Variants in TNKS1BP1 observed in about 807,000 individuals in gnomAD.
TNKS1BP1 encodes 182 kDa tankyrase-1-binding protein.
TNKS1BP1 carries 48 observed loss-of-function variants against 141.1 expected under a neutral mutation model. The ratio of observed to expected loss-of-function variants is 0.34; its 90% CI spans 0.27 to 0.43. TNKS1BP1 has a LOEUF of 0.43. TNKS1BP1 is among the 20% of genes least tolerant of loss of function. TNKS1BP1 has a pLI of 1.00. For missense variants in TNKS1BP1, 2,149 were observed against 2,226.0 expected, an observed-to-expected ratio of 0.97 and a Z score of 0.70; for synonymous variants, 875 against 898.2, an observed-to-expected ratio of 0.97 and a Z score of 0.46.
At chr11:57,320,973 G>A (rs1855876334) in intron 2 of TNKS1BP1, among the ~76,000 whole-genome samples, 1 of 152,116 alleles carries the variant, frequency 6.6e-6, no homozygotes, top group Admixed American at 6.5e-5. Flanking sequence ...GGACCCACCT[G>A]GCACCTTACT....
In TNKS1BP1 at chr11:57,313,608, C is replaced by T. The variant is rs763396912; in HGVS notation, c.1080G>A (p.Gly360=). The change falls in exon 5 of 12, where the codon GGG becomes GGA. Residue 360 remains glycine, a synonymous_variant. Coordinates refer to ENST00000358252, the MANE Select transcript of TNKS1BP1 (RefSeq NM_033396.3). ...TGCTGGGTCTGGGGGCCTCTGGAGC[C>T]CCCTCGGCAGGGAGCCCCGGGCTGG... ...HTPSPGLPAE[G]APEAPRPSSP... The T allele has an allele frequency of 9.7e-5, 155 of 1,594,676 alleles. No homozygotes were observed. Among genetic ancestry groups the T allele is most frequent in the Non-Finnish European group, 1.3e-4 (150 of 1,171,024 alleles).
At position 57,320,223 on chromosome 11, in the gene TNKS1BP1, G is replaced by C. The variant is rs780577893; in HGVS notation, c.584C>G (p.Ser195Trp). Residue 195 changes from serine (S) to tryptophan (W), a missense_variant, in exon 3 of 12, where the codon TCG (serine) becomes TGG (tryptophan). Transcript: ENST00000358252. ...GCCATAGGTCCTGGGGCCATATCGC[G>C]AGCTGCCATCGTGGTTAAAGGTGAG... Reference protein sequence around the residue: ...SRLTFNHDGSSRYGPRTYGTT... With the variant: ...SRLTFNHDGSWRYGPRTYGTT... 9.3e-6 allele frequency: 15 copies of C among 1,614,058 alleles called. No individual in the cohort carries two copies. The highest frequency in any genetic ancestry group is 1.3e-5 in the African/African-American group (1 of 74,926).
chr11:57,301,101 G>A lies in TNKS1BP1; in HGVS notation c.4972-60C>T, dbSNP rs544375120. The stretch of plus-strand genomic sequence containing the variant: ...AGGGACAGGCAGTAGGACTCTCAGG[G>A]GGTAAGACCTTATCTCAAGAGTGTG... On this transcript the variant is annotated intron_variant, in intron 9 of 11. Transcript: ENST00000358252. The A allele has an allele frequency of 9.7e-5, 144 of 1,488,680 alleles. 2 individuals are homozygous for A. The South Asian group carries it at 1.7e-3, about 18-fold the overall frequency. The allele number at this position is 1,488,680 out of a possible 1,614,324, so 92.2% of individuals were successfully genotyped here.
intron 4 of TNKS1BP1, among the ~76,000 whole-genome samples, chr11:57,317,195 T>C (rs990135918): frequency 2.0e-5 from 3 of 152,232 alleles, no homozygotes; most frequent in Non-Finnish European, 2.9e-5. Context: ...CAGTCACTGC[T>C]TGCTGGATGG....
rs769554675 is a variant in TNKS1BP1 at position 57,313,480 on chromosome 11, G to A, written c.1208C>T (p.Thr403Met). 1.2e-5 allele frequency: 19 copies of A among 1,582,314 alleles called. No individual in the cohort carries two copies. The highest frequency in any genetic ancestry group is 1.7e-4 in the Middle Eastern group (1 of 5,908). Residue 403 changes from threonine to methionine, a missense_variant, in exon 5 of 12, where the codon ACG (threonine) becomes ATG (methionine). By Grantham distance (81) the Thr-to-Met change is moderately conservative (BLOSUM62 -1). Transcript: ENST00000358252. ...CTCCTCCTCCCCGCCAGATGGAAAC[G>A]TCCGAGTGAGATCCAGCAACTCACC... The part of the protein sequence containing the change: ...EVGELLDLTR[T>M]FPSGGEEEAK...
At chr11:57,321,988 G>A in intron 1 of TNKS1BP1, 38 bp from the exon 2 acceptor site, 1 of 1,496,194 alleles carries the variant, frequency 6.7e-7, no homozygotes, top group Non-Finnish European at 8.9e-7. Flanking sequence ...AAAAAGAGTT[G>A]GGCGTTGCCA....
At chr11:57,306,658 A>G (rs958325081) in intron 6 of TNKS1BP1, among the ~76,000 whole-genome samples, 2 of 152,150 alleles carry the variant, frequency 1.3e-5, no homozygotes, top group African/African-American at 2.4e-5. Context: ...GCTCACCTGT[A>G]TGGCATCACG....
At position 57,308,806 on chromosome 11, in the gene TNKS1BP1, T is replaced by C. The variant is rs895392894; in HGVS notation, c.3905A>G (p.Lys1302Arg). 4 of 1,614,074 alleles carry C rather than the reference T, an allele frequency of 2.5e-6. No homozygotes were observed. Among genetic ancestry groups the C allele is most frequent in the East Asian group, 2.2e-5 (1 of 44,870 alleles). ...PGAVCSPGES[K>R]ELGVGQMDWG... The stretch of plus-strand genomic sequence containing the variant: ...GTCCATCTGGCCCACCCCAAGCTCT[T>C]TGGACTCTCCAGGACTGCAGACTGC... The change falls in exon 6 of 12, where the codon AAA (lysine) becomes AGA (arginine). Residue 1302 changes from lysine (K) to arginine (R), a missense_variant. Lys to Arg is a conservative substitution (Grantham distance 26, BLOSUM62 2). Transcript: ENST00000358252.
intron 1 of TNKS1BP1, among the ~76,000 whole-genome samples, chr11:57,322,752 C>CG (rs890891256): frequency 2.8e-4 from 43 of 152,118 alleles, no homozygotes; most frequent in African/African-American, 8.0e-4. Flanking sequence ...TGAGAACATC[C>CG]GGGGGGTGGA....
intron 5 of TNKS1BP1, among the ~76,000 whole-genome samples, chr11:57,311,822 A>G (rs571936650): frequency 6.6e-6 from 1 of 152,262 alleles, no homozygotes; most frequent in Non-Finnish European, 1.5e-5. Flanking sequence ...ATAACTGCAC[A>G]AGGCTAACCT....
At position 57,302,336 on chromosome 11, in the gene TNKS1BP1, C is replaced by T. The variant is rs541377817; in HGVS notation, c.4684-112G>A. 30 of 1,537,550 alleles carry T rather than the reference C, an allele frequency of 2.0e-5. No individual in the cohort carries two copies. In the African/African-American group the frequency reaches 2.4e-4, roughly 13 times the overall value. ...TCCTGCAGCCGGAGCTTCACGTTCA[C>T]GTGACGCACCTACAACCCGCTTTCT... On this transcript the variant is annotated intron_variant, in intron 7 of 11. Coordinates refer to ENST00000358252, the MANE Select transcript of TNKS1BP1 (RefSeq NM_033396.3). The surrounding 1 kb of genome is among the most constrained non-coding windows in gnomAD (Gnocchi z 5.5).
intron 3 of TNKS1BP1, among the ~76,000 whole-genome samples, chr11:57,319,046 G>A (rs1003765947): frequency 6.6e-6 from 1 of 151,536 alleles, no homozygotes; most frequent in Non-Finnish European, 1.5e-5. Flanking sequence ...TCGGGAGGCT[G>A]AGACAGGAGA....
Position 57,321,318 on chromosome 11 carries a change from GA to G in TNKS1BP1, c.94+473del, listed in dbSNP as rs963283552. Among the ~76,000 whole-genome samples the G allele has an allele frequency of 1.5e-4, 22 of 145,382 alleles. No homozygotes were observed. The East Asian group carries it at 2.0e-3, about 13-fold the overall frequency. On this transcript the variant is annotated intron_variant, in intron 2 of 11. Coordinates refer to ENST00000358252, the MANE Select transcript of TNKS1BP1 (RefSeq NM_033396.3). ...AACAAAAGTAAATCTGCTATGGGAA[GA>G]AAAAAAAAAACAGGACCAGAAATCT...
intron 3 of TNKS1BP1, 63 bp downstream of exon 3, chr11:57,320,016 C>CCCCCCAAA: frequency 8.0e-7 from 1 of 1,246,408 alleles, no homozygotes; most frequent in Non-Finnish European, 1.2e-6. Flanking sequence ...CCCCAGCCCC[C>CCCCCCAAA]ACCCAATCCC....
chr11:57,321,260 C>T (rs751163439), intron 2 of TNKS1BP1, among the ~76,000 whole-genome samples: 1 of 151,868 alleles, frequency 6.6e-6, no homozygotes, highest in Non-Finnish European at 1.5e-5. Flanking sequence ...TGGTGTGTGA[C>T]TGGGAATGCA....
Position 57,301,031 on chromosome 11 carries a change from C to T in TNKS1BP1, c.4982G>A (p.Arg1661His), listed in dbSNP as rs144895600. ...CTCCTCAGCTGAGCGATTCCGGGGG[C>T]GCAGCTTGGCCTGAGAAGCAAGTCC... is the stretch of plus-strand genomic sequence containing the variant. ...LSPSALKAKLRPRNRSAEEGE... is the reference protein window; with the variant it reads ...LSPSALKAKLHPRNRSAEEGE... Residue 1661 changes from arginine to histidine, a missense_variant, in exon 10 of 12, where the codon CGC (arginine) becomes CAC (histidine). Arg to His is a conservative substitution (Grantham distance 29). Transcript: ENST00000358252. 2.4e-3 allele frequency: 3,795 copies of T among 1,610,822 alleles called. 12 individuals carry two copies. The highest frequency in any genetic ancestry group is 2.8e-3 in the Non-Finnish European group (3,322 of 1,178,232).
chr11:57,309,832 T>G lies in TNKS1BP1; in HGVS notation c.2879A>C (p.Asp960Ala), dbSNP rs1855676492. Residue 960 changes from aspartate to alanine, a missense_variant, in exon 6 of 12, where the codon GAC (aspartate) becomes GCC (alanine). Transcript: ENST00000358252. The surrounding 1 kb of genome is among the most constrained non-coding windows in gnomAD (Gnocchi z 4.3). ...CCTGGAGCTGCCACCACTGCTGTAG[T>G]CCCTTATCCAAGCGCTCTTCCCAAA... ...QEFGKSAWIR[D>A]YSSGGSSRTL... is the part of the protein sequence containing the mutation. The G allele has an allele frequency of 6.2e-7, 1 of 1,614,046 alleles. No homozygotes were observed. The highest frequency in any genetic ancestry group is 1.3e-5 in the African/African-American group (1 of 74,918).
intron 10 of TNKS1BP1, 106 bp downstream of exon 10, chr11:57,300,778 G>C: frequency 1.3e-6 from 2 of 1,527,080 alleles, no homozygotes; most frequent in South Asian, 2.5e-5. Context: ...GTCCGACTGA[G>C]GTTCCTCTTT....
intron 9 of TNKS1BP1, 86 bp downstream of exon 9, chr11:57,301,721 T>C (rs1432338564): frequency 1.6e-5 from 24 of 1,525,908 alleles, no homozygotes; most frequent in Non-Finnish European, 2.1e-5. Flanking sequence ...GGGGAATGAA[T>C]TGATGGATGA....
Sources: allele counts gnomAD v4.1 joint callset (sites outside exome capture counted in the v4.1 genomes callset), GRCh38; gene constraint gnomAD v4.1.1; non-coding constraint Gnocchi (gnomAD v3.1); transcripts MANE v1.5; gene names NCBI Gene and HGNC (gene_info 2026-07-23, HGNC 2026-07-21).